The following IL1RAPL2 variants were observed in gnomAD, a reference collection of about 807,000 sequenced individuals.
The protein encoded by IL1RAPL2 is X-linked interleukin-1 receptor accessory protein-like 2.
IL1RAPL2 carries 3 observed loss-of-function variants against 44.1 expected under a neutral mutation model. The observed-to-expected ratio is 0.07, with a 90% CI of 0.03 to 0.18. The LOEUF is 0.18. Ranked by LOEUF, IL1RAPL2 falls within the 10% of genes least tolerant of loss-of-function variation. The probability of loss-of-function intolerance (pLI) is 1.00; values close to 1 mark genes in which losing one functional copy is unlikely to be tolerated. For synonymous variants in IL1RAPL2, 181 were observed against 178.8 expected, an observed-to-expected ratio of 1.01 and a Z score of -0.10; for missense variants, 391 against 496.4, an observed-to-expected ratio of 0.79 and a Z score of 2.02.
intron 2 of IL1RAPL2, among the ~76,000 whole-genome samples, chrX:104,825,410 G>A (rs1423434694): frequency 1.8e-5 from 2 of 111,913 alleles, no homozygotes; most frequent in Non-Finnish European, 3.8e-5. Flanking sequence ...TCAGATATGG[G>A]GCCTGATAAG....
At chrX:104,627,737 A>C in intron 1 of IL1RAPL2, among the ~76,000 whole-genome samples, 1 of 111,300 alleles carries the variant, frequency 9.0e-6, no homozygotes, top group South Asian at 3.8e-4. Flanking sequence ...AAGATGTTTT[A>C]TGGTACTTAA....
intron 2 of IL1RAPL2, among the ~76,000 whole-genome samples, chrX:104,947,047 T>A (rs1925398374): frequency 1.8e-5 from 2 of 108,239 alleles, no homozygotes; most frequent in Non-Finnish European, 3.8e-5. Flanking sequence ...GTAAAAGTGT[T>A]CCTATTTCTC....
chrX:105,379,410 T>C (rs958379304), intron 5 of IL1RAPL2, among the ~76,000 whole-genome samples: 1 of 111,736 alleles, frequency 8.9e-6, no homozygotes, highest in Admixed American at 9.5e-5. Context: ...AACTAGCCAA[T>C]GAGTGTAGAT....
intron 5 of IL1RAPL2, among the ~76,000 whole-genome samples, chrX:105,435,217 A>C (rs2035873422): frequency 8.9e-6 from 1 of 111,825 alleles, no homozygotes; most frequent in African/African-American, 3.3e-5. Context: ...TCCATATGAA[A>C]TTTAAAGTAG....
At chrX:105,690,590 A>T in intron 6 of IL1RAPL2, among the ~76,000 whole-genome samples, 2 of 111,994 alleles carry the variant, frequency 1.8e-5, no homozygotes, top group Non-Finnish European at 1.9e-5. Context: ...TACCTACATT[A>T]TGTGAACTCG....
intron 6 of IL1RAPL2, among the ~76,000 whole-genome samples, chrX:105,662,041 C>T (rs1170410178): frequency 8.9e-6 from 1 of 112,298 alleles, no homozygotes; most frequent in Non-Finnish European, 1.9e-5. Flanking sequence ...TGTCTAATTA[C>T]ACTGTGAAAT....
At chrX:105,670,105 G>A (rs868540831) in intron 6 of IL1RAPL2, among the ~76,000 whole-genome samples, 6 of 11,686 alleles carry the variant, frequency 5.1e-4, no homozygotes, top group Non-Finnish European at 1.2e-3. Context: ...TGGGTTTCCT[G>A]TATATATATA....
intron 2 of IL1RAPL2, among the ~76,000 whole-genome samples, chrX:104,876,242 C>T (rs892224747): frequency 2.7e-5 from 3 of 111,482 alleles, no homozygotes; most frequent in Non-Finnish European, 5.6e-5. Context: ...CACTTGCTGC[C>T]TTAAGCCTCT....
intron 9 of IL1RAPL2, among the ~76,000 whole-genome samples, chrX:105,750,635 T>C (rs1215575267): frequency 9.3e-6 from 1 of 107,007 alleles, no homozygotes; most frequent in Non-Finnish European, 1.9e-5. Context: ...TACATATGCA[T>C]GCTCATTTGC....
chrX:105,106,186 G>T lies in IL1RAPL2; in HGVS notation c.83-89289G>T, dbSNP rs770911482. 4.5e-4 allele frequency among the ~76,000 whole-genome samples: 50 copies of T among 111,482 alleles called. No homozygotes were observed. In the East Asian group the frequency reaches 5.1e-3, roughly 11 times the overall value. ...TAACAAGAATAAGAAAATATAAAAA[G>T]GTTATGGCACCAACTGTTTGTCACT... is the stretch of plus-strand genomic sequence containing the variant. On this transcript the variant is annotated intron_variant, in intron 2 of 10. Transcript: ENST00000372582.
intron 2 of IL1RAPL2, among the ~76,000 whole-genome samples, chrX:104,996,830 G>A (rs948235272): frequency 3.6e-5 from 4 of 111,355 alleles, no homozygotes; most frequent in South Asian, 7.5e-4. Context: ...AAGACTGGGG[G>A]TTTCCTGTTA....
intron 2 of IL1RAPL2, among the ~76,000 whole-genome samples, chrX:104,743,024 A>G (rs894291671): frequency 9.0e-6 from 1 of 111,655 alleles, no homozygotes; most frequent in South Asian, 3.7e-4. Context: ...TATTCTGCTT[A>G]TATGTTTTGT....
intron 10 of IL1RAPL2, among the ~76,000 whole-genome samples, chrX:105,763,856 GT>G (rs2038707654): frequency 9.1e-6 from 1 of 110,422 alleles, no homozygotes; most frequent in African/African-American, 3.3e-5. Flanking sequence ...CTTCCACTTG[GT>G]TTTTCACCAA....
At chrX:105,329,187 G>C (rs2034966480) in intron 5 of IL1RAPL2, among the ~76,000 whole-genome samples, 1 of 112,350 alleles carries the variant, frequency 8.9e-6, no homozygotes, top group Admixed American at 9.4e-5. Context: ...ACCTGGAAGT[G>C]TAGGGATGTG....
chrX:105,103,591 C>T (rs185249124), intron 2 of IL1RAPL2, among the ~76,000 whole-genome samples: 143 of 111,883 alleles, frequency 1.3e-3, no homozygotes, highest in Admixed American at 3.9e-3. Context: ...GAAAGTCCTA[C>T]GGTTCACTAA....
At chrX:104,898,857 CA>C (rs1333014153) in intron 2 of IL1RAPL2, among the ~76,000 whole-genome samples, 1 of 112,127 alleles carries the variant, frequency 8.9e-6, no homozygotes, top group African/African-American at 3.2e-5. Flanking sequence ...GCACTGTAGT[CA>C]AAAAATCATT....
At chrX:104,570,423 A>C (rs1247983816) in intron 1 of IL1RAPL2, among the ~76,000 whole-genome samples, 2 of 112,100 alleles carry the variant, frequency 1.8e-5, no homozygotes, top group Middle Eastern at 4.6e-3. Flanking sequence ...ATGGTGGCTC[A>C]CATCTGTAAC....
chrX:104,723,398 C>A (rs1569303233), intron 2 of IL1RAPL2, among the ~76,000 whole-genome samples: 1 of 110,644 alleles, frequency 9.0e-6, no homozygotes, highest in Admixed American at 9.7e-5. Flanking sequence ...AAATGTAACA[C>A]CTCAGGATGA....
chrX:105,279,459 A>AT (rs947143552), intron 5 of IL1RAPL2, among the ~76,000 whole-genome samples: 7 of 111,024 alleles, frequency 6.3e-5, no homozygotes, highest in Non-Finnish European at 1.3e-4. Flanking sequence ...GACTGGAACA[A>AT]TTTTTTTATT....
Sources: allele counts gnomAD v4.1 joint callset (sites outside exome capture counted in the v4.1 genomes callset), GRCh38; gene constraint gnomAD v4.1.1; transcripts MANE v1.5; gene names NCBI Gene and HGNC (gene_info 2026-07-23, HGNC 2026-07-21).